Variants in CCDC178 observed in about 807,000 individuals in gnomAD.
CCDC178 encodes coiled-coil domain containing 178.
In CCDC178, 126 loss-of-function variants were observed where a neutral mutation model predicts 117.4. The observed-to-expected ratio is 1.07, with a 90% CI of 0.93 to 1.24. CCDC178 has a LOEUF of 1.24. Among genes scored for constraint, CCDC178 ranks in the 50% most tolerant of loss-of-function variants. The pLI is 0.00. For missense variants in CCDC178, 1,030 were observed against 986.9 expected, an observed-to-expected ratio of 1.04 and a Z score of -0.59; for synonymous variants, 283 against 313.4, an observed-to-expected ratio of 0.90 and a Z score of 1.02.
At chr18:33,187,201 C>T (rs1348079694) in intron 20 of CCDC178, among the ~76,000 whole-genome samples, 1 of 151,766 alleles carries the variant, frequency 6.6e-6, no homozygotes, top group Non-Finnish European at 1.5e-5. Context: ...ATGGGGGAAA[C>T]CAACCCCATG....
At chr18:32,958,600 T>C (rs900372020) in intron 22 of CCDC178, among the ~76,000 whole-genome samples, 4 of 152,314 alleles carry the variant, frequency 2.6e-5, no homozygotes, top group African/African-American at 7.2e-5. Flanking sequence ...GAGAATGCAA[T>C]GTGTACTGTA....
chr18:33,125,680 CAAAT>C (rs2057996147), intron 20 of CCDC178, among the ~76,000 whole-genome samples: 1 of 152,082 alleles, frequency 6.6e-6, no homozygotes, highest in Admixed American at 6.6e-5. Flanking sequence ...ATAAATTACT[CAAAT>C]AATCATATAG....
intron 20 of CCDC178, among the ~76,000 whole-genome samples, chr18:33,119,745 T>C (rs938406882): frequency 1.3e-5 from 2 of 152,184 alleles, no homozygotes; most frequent in Non-Finnish European, 2.9e-5. Flanking sequence ...CGTATGTTTA[T>C]TGCGGCACTA....
chr18:32,969,697 A>G (rs1404719881), intron 22 of CCDC178, among the ~76,000 whole-genome samples: 2 of 151,986 alleles, frequency 1.3e-5, no homozygotes, highest in African/African-American at 4.8e-5. Flanking sequence ...CCAAACTTGT[A>G]TAAAATACCA....
chr18:33,079,766 GTCACAATATAACAGATGC>G (rs1300112602), intron 21 of CCDC178, among the ~76,000 whole-genome samples: 3 of 152,280 alleles, frequency 2.0e-5, no homozygotes, highest in Admixed American at 6.5e-5. Flanking sequence ...TTATTAAAAG[GTCACAATATAACAGATGC>G]TCATGAGGTT....
chr18:33,266,222 A>G (rs28633937), intron 14 of CCDC178, among the ~76,000 whole-genome samples: 10,220 of 152,072 alleles, frequency 0.067, 512 homozygotes, highest in African/African-American at 0.14. Flanking sequence ...TAAGTAGCAT[A>G]ATGAAATCTC....
At chr18:33,037,877 G>C (rs1567948434) in intron 21 of CCDC178, among the ~76,000 whole-genome samples, 3 of 152,046 alleles carry the variant, frequency 2.0e-5, no homozygotes, top group Non-Finnish European at 1.5e-5. Context: ...AGGAATGGGA[G>C]AAGGCAGCAA....
At chr18:33,200,878 G>GA (rs1482880173) in intron 20 of CCDC178, among the ~76,000 whole-genome samples, 1 of 152,170 alleles carries the variant, frequency 6.6e-6, no homozygotes, top group East Asian at 1.9e-4. Flanking sequence ...AATACGCTCA[G>GA]AATCTCACAC....
chr18:32,999,637 A>C (rs1384176452), intron 21 of CCDC178, among the ~76,000 whole-genome samples: 12 of 152,172 alleles, frequency 7.9e-5, no homozygotes, highest in Admixed American at 7.9e-4. Context: ...GCAGCTCAGC[A>C]CAGAGAGAGA....
chr18:33,403,727 T>C (rs1223574958), intron 3 of CCDC178, among the ~76,000 whole-genome samples: 1 of 152,196 alleles, frequency 6.6e-6, no homozygotes, highest in Non-Finnish European at 1.5e-5. Flanking sequence ...GTCAGGCTAA[T>C]GCAGAAGTTG....
chr18:32,998,118 C>T lies in CCDC178; in HGVS notation c.2389-23437G>A, dbSNP rs553427066. Among the ~76,000 whole-genome samples, 7 of 152,360 alleles carry T rather than the reference C, an allele frequency of 4.6e-5. No individual in the cohort carries two copies. In the South Asian group the frequency reaches 1.0e-3, roughly 23 times the overall value. ...TTGAATCACTGACACCACCCCTCCACTATCCTCTGGCAGCAGCCATGTGGT... is the reference window on the plus strand; with the variant it reads ...TTGAATCACTGACACCACCCCTCCATTATCCTCTGGCAGCAGCCATGTGGT... On this transcript the variant is annotated intron_variant, in intron 21 of 22. Transcript: ENST00000383096.
At chr18:33,056,320 A>C (rs1038313163) in intron 21 of CCDC178, among the ~76,000 whole-genome samples, 2 of 152,210 alleles carry the variant, frequency 1.3e-5, no homozygotes, top group African/African-American at 4.8e-5. Flanking sequence ...TGTCAAGTTA[A>C]AAGTAATTTC....
At chr18:33,413,282 T>G (rs1193718904) in intron 2 of CCDC178, among the ~76,000 whole-genome samples, 1 of 152,156 alleles carries the variant, frequency 6.6e-6, no homozygotes, top group Non-Finnish European at 1.5e-5. Context: ...CCAAGCCTAG[T>G]GCTCTTCCAA....
chr18:33,328,101 T>G (rs769743287), intron 10 of CCDC178: 14,749 of 182,638 alleles, frequency 0.081, 640 homozygotes, highest in Non-Finnish European at 0.096. Context: ...TTTTTTTTTT[T>G]TTTTTTTTTT....
chr18:33,355,574 C>T (rs1293703901), intron 7 of CCDC178, among the ~76,000 whole-genome samples: 1 of 152,164 alleles, frequency 6.6e-6, no homozygotes, highest in Non-Finnish European at 1.5e-5. Context: ...GAACATTTTT[C>T]CAGCCCTCTG....
chr18:33,046,370 T>C (rs2144910848), intron 21 of CCDC178, among the ~76,000 whole-genome samples: 1 of 152,264 alleles, frequency 6.6e-6, no homozygotes, highest in East Asian at 1.9e-4. Flanking sequence ...CCCACCTTTT[T>C]TCCAACCATT....
intron 2 of CCDC178, among the ~76,000 whole-genome samples, chr18:33,432,044 A>G (rs2064226581): frequency 6.6e-6 from 1 of 152,160 alleles, no homozygotes; most frequent in Admixed American, 6.5e-5. Context: ...GCTGCATCAC[A>G]GGCATGAGAG....
At chr18:33,307,547 C>T (rs1395476440) in intron 11 of CCDC178, among the ~76,000 whole-genome samples, 2 of 152,258 alleles carry the variant, frequency 1.3e-5, no homozygotes, top group East Asian at 3.9e-4. Context: ...AACACAAAAC[C>T]CTATTTTCTG....
chr18:33,159,048 A>G (rs1442629618), intron 20 of CCDC178, among the ~76,000 whole-genome samples: 3 of 152,126 alleles, frequency 2.0e-5, no homozygotes, highest in Non-Finnish European at 2.9e-5. Flanking sequence ...ACTTTTTCAT[A>G]AGAAAAATGT....
Sources: allele counts gnomAD v4.1 joint callset (sites outside exome capture counted in the v4.1 genomes callset), GRCh38; gene constraint gnomAD v4.1.1; transcripts MANE v1.5; gene names NCBI Gene and HGNC (gene_info 2026-07-23, HGNC 2026-07-21).